KCNT2: variants seen among roughly 807,000 people sequenced by gnomAD.
The protein encoded by KCNT2 is potassium channel subfamily T member 2.
A neutral mutation model predicts 153.8 loss-of-function variants in KCNT2; 67 were observed. The observed-to-expected ratio is 0.44, with a 90% CI of 0.36 to 0.53. KCNT2 has a LOEUF of 0.53. Ranked by LOEUF, KCNT2 falls within the 20% of genes least tolerant of loss-of-function variation. The pLI is 0.00. For synonymous variants in KCNT2, 500 were observed against 458.8 expected (o/e 1.09, Z -1.15); for missense variants, 975 against 1,354.8 (o/e 0.72, Z 4.40).
chr1:196,410,399 A>T, intron 12 of KCNT2, among the ~76,000 whole-genome samples: 1 of 151,100 alleles, frequency 6.6e-6, no homozygotes, highest in Non-Finnish European at 1.5e-5. Flanking sequence ...GGGGAACATC[A>T]CACACTGGGG....
chr1:196,563,786 C>G (rs1473529561), intron 1 of KCNT2, among the ~76,000 whole-genome samples: 1 of 151,720 alleles, frequency 6.6e-6, no homozygotes, highest in African/African-American at 2.4e-5. Flanking sequence ...TCAATACATA[C>G]AGAAAAAAAT....
At position 196,569,884 on chromosome 1, in the gene KCNT2, G is replaced by T. The variant is rs79623518; in HGVS notation, c.95+38331C>A. On this transcript the variant is annotated intron_variant, in intron 1 of 27. Coordinates refer to ENST00000294725, the MANE Select transcript of KCNT2 (RefSeq NM_198503.5). Reference sequence around the variant, plus strand: ...CTAGAAATTTCTATTAAAAATAAAGGCATGCTTTTGTTTTGATTATGAGGT... The same window carrying T: ...CTAGAAATTTCTATTAAAAATAAAGTCATGCTTTTGTTTTGATTATGAGGT... 1.4e-3 allele frequency among the ~76,000 whole-genome samples: 217 copies of T among 152,014 alleles called. 2 individuals carry two copies. Among genetic ancestry groups the T allele is most frequent in the African/African-American group, 5.0e-3 (209 of 41,392 alleles).
At chr1:196,421,074 G>T (rs1314915011) in intron 12 of KCNT2, among the ~76,000 whole-genome samples, 2 of 151,976 alleles carry the variant, frequency 1.3e-5, no homozygotes, top group Non-Finnish European at 2.9e-5. Flanking sequence ...CTTCTAATTT[G>T]TTTCCTGTCT....
chr1:196,479,292 T>C (rs1572591124), intron 4 of KCNT2, 54 bp from the exon 5 acceptor site: 2 of 1,007,324 alleles, frequency 2.0e-6, no homozygotes, highest in East Asian at 2.5e-5. Context: ...AAATTATATA[T>C]ATTCTTGGCT....
At chr1:196,260,776 GT>G (rs1656941874) in intron 25 of KCNT2, among the ~76,000 whole-genome samples, 1 of 151,696 alleles carries the variant, frequency 6.6e-6, no homozygotes, top group Non-Finnish European at 1.5e-5. Flanking sequence ...TGTTTTGAAT[GT>G]TTCCTAACTC....
chr1:196,362,894 TGG>T (rs1415110759), intron 14 of KCNT2, among the ~76,000 whole-genome samples: 1 of 152,074 alleles, frequency 6.6e-6, no homozygotes, highest in Non-Finnish European at 1.5e-5. Context: ...CTTGATCCCT[TGG>T]TTTAGATGGT....
At chr1:196,437,267 T>G (rs1474390196) in intron 8 of KCNT2, among the ~76,000 whole-genome samples, 1 of 82,730 alleles carries the variant, frequency 1.2e-5, no homozygotes, top group Non-Finnish European at 2.9e-5. Flanking sequence ...TTATAAATAT[T>G]TATTATATAT....
intron 19 of KCNT2, among the ~76,000 whole-genome samples, chr1:196,322,375 A>G (rs1226262910): frequency 2.0e-5 from 3 of 151,912 alleles, no homozygotes; most frequent in African/African-American, 7.2e-5. Context: ...AAATAGATCC[A>G]GGGAAGAATA....
At chr1:196,398,537 G>A (rs373133385) in intron 13 of KCNT2, 26 bp downstream of exon 13, 1 of 1,271,978 alleles carries the variant, frequency 7.9e-7, no homozygotes, top group Non-Finnish European at 1.1e-6. Flanking sequence ...GAAATTCAAT[G>A]GATCTCATGC....
chr1:196,234,464 G>C (rs866462458), intron 27 of KCNT2, among the ~76,000 whole-genome samples: 6 of 150,960 alleles, frequency 4.0e-5, no homozygotes, highest in Non-Finnish European at 5.9e-5. Flanking sequence ...TATTTACATA[G>C]GGGCTTGCCT....
At chr1:196,409,546 C>T (rs967398233) in intron 12 of KCNT2, among the ~76,000 whole-genome samples, 9 of 151,366 alleles carry the variant, frequency 5.9e-5, no homozygotes, top group Non-Finnish European at 1.3e-4. Context: ...TATATATTTA[C>T]CAACATATTT....
chr1:196,409,397 A>G (rs1672099618), intron 12 of KCNT2, among the ~76,000 whole-genome samples: 1 of 151,558 alleles, frequency 6.6e-6, no homozygotes, highest in South Asian at 2.1e-4. Flanking sequence ...AATAATACAT[A>G]AAGAATCTCA....
Position 196,227,277 on chromosome 1 carries a change from T to G in KCNT2, c.*947A>C, listed in dbSNP as rs2102200764. The G allele has an allele frequency of 6.6e-6, 1 of 152,140 alleles. No individual in the cohort carries two copies. The highest frequency in any genetic ancestry group is 2.4e-5 in the African/African-American group (1 of 41,576). The allele number at this position is 152,140 out of a possible 1,614,324, so 9.4% of individuals were successfully genotyped here. Reference sequence around the variant, plus strand: ...TTCAGAGTCCATAAAAGGTATAAATTATCTTCTGTCAATTTTAAAAGAATT... The same window carrying G: ...TTCAGAGTCCATAAAAGGTATAAATGATCTTCTGTCAATTTTAAAAGAATT... On this transcript the variant is annotated 3_prime_UTR_variant, in exon 28 of 28. Coordinates refer to ENST00000294725, the MANE Select transcript of KCNT2 (RefSeq NM_198503.5).
At position 196,486,575 on chromosome 1, in the gene KCNT2, G is replaced by A. The variant is rs190139228; in HGVS notation, c.275+3263C>T. On this transcript the variant is annotated intron_variant, in intron 3 of 27. Coordinates refer to ENST00000294725, the MANE Select transcript of KCNT2 (RefSeq NM_198503.5). The stretch of plus-strand genomic sequence containing the variant: ...GTGTGAGAACAGCTTTGGCAGAGGA[G>A]GTGGGAGTCAGGAGGTGAATACATT... Among the ~76,000 whole-genome samples the A allele has an allele frequency of 1.7e-3, 265 of 151,966 alleles. 2 individuals carry two copies. Among genetic ancestry groups the A allele is most frequent in the African/African-American group, 4.8e-3 (200 of 41,496 alleles).
chr1:196,486,330 T>C (rs1045475985), intron 3 of KCNT2, among the ~76,000 whole-genome samples: 1 of 151,890 alleles, frequency 6.6e-6, no homozygotes, highest in South Asian at 2.1e-4. Context: ...AATAAAAAAA[T>C]GCAAAGCAAA....
rs186705268 is a variant in KCNT2 at position 196,274,582 on chromosome 1, A to G, written c.2910+6278T>C. Among the ~76,000 whole-genome samples the G allele has an allele frequency of 3.8e-4, 57 of 151,840 alleles. No homozygotes were observed. The Middle Eastern group carries it at 0.01, about 27-fold the overall frequency. ...AGGTAAATTTGTATCTTAATAATAT[A>G]TTTTAAAAGCTACTTCCCATTGTAA... On this transcript the variant is annotated intron_variant, in intron 25 of 27. Coordinates refer to ENST00000294725, the MANE Select transcript of KCNT2 (RefSeq NM_198503.5).
Position 196,593,309 on chromosome 1 carries a change from T to TACACAC in KCNT2, c.95+14905_95+14906insGTGTGT, listed in dbSNP as rs1422252947. Among the ~76,000 whole-genome samples, 449 of 126,684 alleles carry TACACAC rather than the reference T, an allele frequency of 3.5e-3. 2 individuals carry two copies. The highest frequency in any genetic ancestry group is 0.016 in the African/African-American group (418 of 26,682). 83.1% of individuals were successfully genotyped at this position (126,684 alleles called of 152,430 possible). A position where few individuals can be genotyped will look rare whatever the true frequency, so the allele number is the denominator to read the frequency against. ...ATCATATATATAATATATATATATA[T>TACACAC]ATACACACACACACACACACACACA... is the stretch of plus-strand genomic sequence containing the variant. On this transcript the variant is annotated intron_variant, in intron 1 of 27. Transcript: ENST00000294725.
chr1:196,254,292 T>G (rs74133640), intron 26 of KCNT2, among the ~76,000 whole-genome samples: 13,206 of 151,386 alleles, frequency 0.087, 676 homozygotes, highest in African/African-American at 0.14. Flanking sequence ...AAATATAGAA[T>G]TATACAGAAT....
chr1:196,356,813 G>A (rs111487498), intron 14 of KCNT2, among the ~76,000 whole-genome samples: 7,524 of 151,810 alleles, frequency 0.05, 282 homozygotes, highest in Non-Finnish European at 0.071. Context: ...GGAGTGTTCA[G>A]ACTTGTGGTG....
Sources: gnomAD v4.1 joint callset for allele counts (sites outside exome capture counted in the v4.1 genomes callset) on GRCh38, gnomAD v4.1.1 for gene constraint, MANE v1.5 for transcripts, NCBI Gene and HGNC (gene_info 2026-07-23, HGNC 2026-07-21) for gene names.